Variants in FBXL7 observed in about 807,000 individuals in gnomAD.
The protein encoded by FBXL7 is F-box/LRR-repeat protein 7.
FBXL7 carries 12 observed loss-of-function variants against 38.3 expected under a neutral mutation model. The ratio of observed to expected loss-of-function variants is 0.31; its 90% CI spans 0.20 to 0.51. FBXL7 has a LOEUF of 0.51. FBXL7 is among the 20% of genes least tolerant of loss of function. The pLI is 0.98. For synonymous variants in FBXL7, 297 were observed against 300.9 expected (o/e 0.99, Z 0.13); for missense variants, 567 against 676.4 (o/e 0.84, Z 1.79).
At chr5:15,781,682 TA>T (rs1736997220) in intron 2 of FBXL7, among the ~76,000 whole-genome samples, 1 of 152,084 alleles carries the variant, frequency 6.6e-6, no homozygotes, top group African/African-American at 2.4e-5. Flanking sequence ...ATTTTTTTAA[TA>T]AAAAGTACTT....
chr5:15,914,165 T>C (rs1341998997), intron 2 of FBXL7, among the ~76,000 whole-genome samples: 1 of 152,018 alleles, frequency 6.6e-6, no homozygotes, highest in African/African-American at 2.4e-5. Flanking sequence ...GGCGGGCGGA[T>C]CTCGAGGTCA....
intron 2 of FBXL7, among the ~76,000 whole-genome samples, chr5:15,805,884 G>T (rs1376966765): frequency 6.6e-6 from 1 of 152,092 alleles, no homozygotes; most frequent in Non-Finnish European, 1.5e-5. Flanking sequence ...AATTCTTTGG[G>T]CATTGAAGTA....
intron 1 of FBXL7, among the ~76,000 whole-genome samples, chr5:15,551,668 A>G (rs1287599659): frequency 6.6e-6 from 1 of 152,220 alleles, no homozygotes; most frequent in East Asian, 1.9e-4. Context: ...GAAATTTATA[A>G]AACATATTAA....
intron 2 of FBXL7, among the ~76,000 whole-genome samples, chr5:15,677,918 C>CTTTCT (rs1433420642): frequency 6.6e-6 from 1 of 152,114 alleles, no homozygotes; most frequent in East Asian, 1.9e-4. Flanking sequence ...AAGGTGACAC[C>CTTTCT]TTTCTTAAAC....
At chr5:15,805,503 AC>A (rs147357972) in intron 2 of FBXL7, among the ~76,000 whole-genome samples, 5,683 of 152,242 alleles carry the variant, frequency 0.037, 370 homozygotes, top group African/African-American at 0.13. Context: ...TATAGATTTA[AC>A]CTAAGATTTT....
At chr5:15,862,276 C>T (rs185361097) in intron 2 of FBXL7, among the ~76,000 whole-genome samples, 2 of 152,154 alleles carry the variant, frequency 1.3e-5, no homozygotes, top group African/African-American at 2.4e-5. Flanking sequence ...TCACTTGGCT[C>T]TCATTCTTCT....
At chr5:15,690,483 A>G (rs1434064390) in intron 2 of FBXL7, among the ~76,000 whole-genome samples, 5 of 152,198 alleles carry the variant, frequency 3.3e-5, no homozygotes, top group Non-Finnish European at 4.4e-5. Context: ...TTGTATAATG[A>G]TCAAATCAGG....
Position 15,751,615 on chromosome 5 carries a change from C to A in FBXL7, c.127+135543C>A, listed in dbSNP as rs1448864543. On this transcript the variant is annotated intron_variant, in intron 2 of 3. Transcript: ENST00000504595. ...CACACAAATAGAAGGGAATCACATTCTTTTCCTGTCATTTTGGAGAGGGAA... is the reference window on the plus strand; with the variant it reads ...CACACAAATAGAAGGGAATCACATTATTTTCCTGTCATTTTGGAGAGGGAA... 5.3e-5 allele frequency among the ~76,000 whole-genome samples: 8 copies of A among 152,160 alleles called. No individual in the cohort carries two copies. In the East Asian group the frequency reaches 1.5e-3, roughly 29 times the overall value.
rs200066810 is a variant in FBXL7 at position 15,746,885 on chromosome 5, CT to C, written c.127+130823del. On this transcript the variant is annotated intron_variant, in intron 2 of 3. Coordinates refer to ENST00000504595, the MANE Select transcript of FBXL7 (RefSeq NM_012304.5). Reference sequence around the variant, plus strand: ...AAATACATACTAAATACGAGTGCCACTTTTTTTTTTGCTAATAGAGTTAATA... The same window carrying C: ...AAATACATACTAAATACGAGTGCCACTTTTTTTTTGCTAATAGAGTTAATA... Among the ~76,000 whole-genome samples the C allele has an allele frequency of 5.1e-3, 759 of 148,564 alleles. 3 individuals are homozygous for C. Among genetic ancestry groups the C allele is most frequent in the East Asian group, 0.012 (59 of 5,094 alleles).
chr5:15,611,518 AATAAG>A (rs1740235159), intron 1 of FBXL7, among the ~76,000 whole-genome samples: 1 of 152,106 alleles, frequency 6.6e-6, no homozygotes, highest in Non-Finnish European at 1.5e-5. Context: ...ATATGTATTA[AATAAG>A]ATGTCTTTAA....
chr5:15,751,194 T>A (rs975634577), intron 2 of FBXL7, among the ~76,000 whole-genome samples: 1 of 152,240 alleles, frequency 6.6e-6, no homozygotes, highest in African/African-American at 2.4e-5. Context: ...ATCATAATTG[T>A]TACACTATTG....
intron 2 of FBXL7, among the ~76,000 whole-genome samples, chr5:15,912,950 G>C (rs1433800345): frequency 6.6e-6 from 1 of 152,182 alleles, no homozygotes; most frequent in Non-Finnish European, 1.5e-5. Context: ...TCAGAGCCCA[G>C]CGTGCTGCAG....
intron 2 of FBXL7, among the ~76,000 whole-genome samples, chr5:15,904,197 T>A (rs1741300705): frequency 6.6e-6 from 1 of 152,200 alleles, no homozygotes; most frequent in Admixed American, 6.5e-5. Flanking sequence ...TGTGTTTTGA[T>A]AGGTTTTCAA....
chr5:15,903,849 T>C (rs941340834), intron 2 of FBXL7, among the ~76,000 whole-genome samples: 4 of 152,226 alleles, frequency 2.6e-5, no homozygotes, highest in African/African-American at 9.6e-5. Context: ...CAGAACTCTT[T>C]TATCTTTCTA....
chr5:15,858,725 A>C (rs1561155617), intron 2 of FBXL7, among the ~76,000 whole-genome samples: 1 of 152,130 alleles, frequency 6.6e-6, no homozygotes, highest in Non-Finnish European at 1.5e-5. Context: ...AAAGGAGCCA[A>C]ATTATTTTGA....
At chr5:15,842,644 G>A (rs923783209) in intron 2 of FBXL7, among the ~76,000 whole-genome samples, 1 of 152,048 alleles carries the variant, frequency 6.6e-6, no homozygotes, top group African/African-American at 2.4e-5. Flanking sequence ...TTAAGGGTGG[G>A]GCCAGGTGGA....
At chr5:15,590,823 G>A (rs1403623862) in intron 1 of FBXL7, among the ~76,000 whole-genome samples, 1 of 152,112 alleles carries the variant, frequency 6.6e-6, no homozygotes, top group African/African-American at 2.4e-5. Context: ...GATAAAGCAG[G>A]AACTAGATCA....
chr5:15,933,973 T>C (rs1219572300), intron 3 of FBXL7, among the ~76,000 whole-genome samples: 1 of 152,086 alleles, frequency 6.6e-6, no homozygotes, highest in Non-Finnish European at 1.5e-5. Flanking sequence ...TTATAAAATA[T>C]TAGGTTGGTG....
intron 2 of FBXL7, among the ~76,000 whole-genome samples, chr5:15,919,110 C>G (rs1010153085): frequency 2.0e-5 from 3 of 152,042 alleles, no homozygotes; most frequent in Non-Finnish European, 2.9e-5. Context: ...CTTTTTATGG[C>G]AAGAGTTCTT....
Sources: allele counts gnomAD v4.1 joint callset (sites outside exome capture counted in the v4.1 genomes callset), GRCh38; gene constraint gnomAD v4.1.1; transcripts MANE v1.5; gene names NCBI Gene and HGNC (gene_info 2026-07-23, HGNC 2026-07-21).